MUC17: variants seen among roughly 807,000 people sequenced by gnomAD.
The protein encoded by MUC17 is mucin-17.
In MUC17, 190 loss-of-function variants were observed where a neutral mutation model predicts 170.3. The ratio of observed to expected loss-of-function variants is 1.12; its 90% CI spans 0.99 to 1.26. MUC17 has a LOEUF of 1.26. Ranked by LOEUF, MUC17 falls within the 50% of genes most tolerant of loss-of-function variation. The pLI is 0.00. For missense variants in MUC17, 6,415 were observed against 5,530.0 expected, an observed-to-expected ratio of 1.16 and a Z score of -5.08; for synonymous variants, 2,325 against 2,002.5, an observed-to-expected ratio of 1.16 and a Z score of -4.30.
chr7:101,057,055 A>G (rs1218516082), intron 12 of MUC17, among the ~76,000 whole-genome samples: 1 of 152,114 alleles, frequency 6.6e-6, no homozygotes, highest in Non-Finnish European at 1.5e-5. Context: ...TATCAGAGGT[A>G]TTAGAGGTAT....
At position 101,043,752 on chromosome 7, in the gene MUC17, T is replaced by C; in HGVS notation, c.12336T>C (p.Ala4112=). ...TTSFPTVTTT[A]VPTNTTIKSN... ...CCTTCCCCACGGTGACCACCACCGC[T>C]GTCCCCACGAATACTACAATTAAGA... The change falls in exon 3 of 13, where the codon GCT becomes GCC. Residue 4112 remains alanine, a synonymous_variant. Transcript: ENST00000306151. The C allele has an allele frequency of 6.2e-7, 1 of 1,614,114 alleles. No individual in the cohort carries two copies. Among genetic ancestry groups the C allele is most frequent in the Non-Finnish European group, 8.5e-7 (1 of 1,180,010 alleles).
chr7:101,056,154 T>C, intron 11 of MUC17, 40 bp from the exon 12 acceptor site: 1 of 1,613,008 alleles, frequency 6.2e-7, no homozygotes, highest in Non-Finnish European at 8.5e-7. Flanking sequence ...TTTGTCCTTC[T>C]AACCTCCTGT....
intron 1 of MUC17, among the ~76,000 whole-genome samples, chr7:101,022,864 A>G (rs1291813963): frequency 1.3e-5 from 2 of 152,086 alleles, no homozygotes; most frequent in African/African-American, 4.8e-5. Flanking sequence ...CCTTCCAGGA[A>G]TCTGCACTAA....
At chr7:101,028,977 C>T (rs774301683) in intron 1 of MUC17, among the ~76,000 whole-genome samples, 2 of 152,000 alleles carry the variant, frequency 1.3e-5, no homozygotes, top group Non-Finnish European at 2.9e-5. Flanking sequence ...CACCTGAGGT[C>T]GGGAGTTCGA....
chr7:101,029,507 T>A (rs770163072), intron 1 of MUC17, among the ~76,000 whole-genome samples: 16 of 152,234 alleles, frequency 1.1e-4, no homozygotes, highest in Non-Finnish European at 2.1e-4. Flanking sequence ...TCTTGACTGT[T>A]CATACTCAGT....
chr7:101,056,156 ACCT>A, intron 11 of MUC17, 35 bp from the exon 12 acceptor site: 1 of 1,613,066 alleles, frequency 6.2e-7, no homozygotes. Context: ...TGTCCTTCTA[ACCT>A]CCTGTTTCCA....
rs114262718 is a variant in MUC17 at position 101,034,364 on chromosome 7, C to A, written c.2948C>A (p.Thr983Asn). 84,834 of 1,398,080 alleles carry A rather than the reference C, an allele frequency of 0.061. No homozygotes were observed. The highest frequency in any genetic ancestry group is 0.21 in the African/African-American group (13,069 of 62,206). The allele number at this position is 1,398,080 out of a possible 1,614,324, so 86.6% of individuals were successfully genotyped here. ...IPTSTPSEGTTPLTSTPVSHT... is the reference protein window; with the variant it reads ...IPTSTPSEGTNPLTSTPVSHT... ...ACCTCGACTCCTAGTGAAGGAACGA[C>A]TCCATTAACAAGCACACCTGTCAGC... Residue 983 changes from threonine (T) to asparagine (N), a missense_variant, in exon 3 of 13, where the codon ACT (threonine) becomes AAT (asparagine). Thr to Asn is a moderately conservative substitution (Grantham distance 65). Coordinates refer to ENST00000306151, the MANE Select transcript of MUC17 (RefSeq NM_001040105.2).
intron 10 of MUC17, 78 bp from the exon 11 acceptor site, chr7:101,053,261 A>C (rs540681141): frequency 1.6e-5 from 25 of 1,582,330 alleles, no homozygotes; most frequent in Non-Finnish European, 2.6e-6. Context: ...GCAGCTAAAA[A>C]TGGGGATACA....
In MUC17 at chr7:101,032,434, C is replaced by T; in HGVS notation, c.1018C>T (p.Pro340Ser). 2 of 1,613,620 alleles carry T rather than the reference C, an allele frequency of 1.2e-6. No homozygotes were observed. Among genetic ancestry groups the T allele is most frequent in the Middle Eastern group, 1.7e-4 (1 of 6,060 alleles). The change falls in exon 3 of 13, where the codon CCT becomes TCT. Residue 340 changes from proline to serine, a missense_variant. Physicochemically the swap from Pro to Ser is moderately conservative, Grantham distance 74. Transcript: ENST00000306151. The stretch of plus-strand genomic sequence containing the variant: ...AGGAAGCACTCCATTAACAAGTACG[C>T]CTGCCAGCACCATGCCGGTTGCCAC... The part of the protein sequence containing the change: ...TEGSTPLTST[P>S]ASTMPVATSE...
At position 101,052,989 on chromosome 7, in the gene MUC17, C is replaced by T. The variant is rs577795174; in HGVS notation, c.13107C>T (p.Cys4369=). The change falls in exon 10 of 13, where the codon TGC becomes TGT. Residue 4369 remains cysteine (C), a synonymous_variant. Coordinates refer to ENST00000306151, the MANE Select transcript of MUC17 (RefSeq NM_001040105.2). ...TGCCGCTTCTCTCCCATCTCAGCTG[C>T]GTGACCACGGAAACTCACTGGTACA... ...QMSLSGPQCL[C]VTTETHWYSG... The T allele has an allele frequency of 3.8e-5, 62 of 1,612,086 alleles. No homozygotes were observed. In the South Asian group the frequency reaches 4.0e-4, roughly 10 times the overall value.
At position 101,042,024 on chromosome 7, in the gene MUC17, C is replaced by G. The variant is rs751988268; in HGVS notation, c.10608C>G (p.Thr3536=). ...TTPVASSEAS[T]LSTTPVDSNT... is the part of the protein sequence containing the mutation. ...CGGTGGCCAGTTCTGAGGCTAGCAC[C>G]CTTTCAACAACTCCTGTTGACTCCA... Residue 3536 remains threonine, a synonymous_variant, in exon 3 of 13, where the codon ACC becomes ACG. Transcript: ENST00000306151. 1.9e-6 allele frequency: 3 copies of G among 1,608,418 alleles called. No homozygotes were observed. The highest frequency in any genetic ancestry group is 2.2e-5 in the East Asian group (1 of 44,468).
In MUC17 at chr7:101,050,556, G is replaced by A. The variant is rs1445926947; in HGVS notation, c.12795G>A (p.Leu4265=). ...ACACACCAGAATACAAGACAGTATT[G>A]GACAATGCCACCGAAGTAGTGAAAG... ...TKYTPEYKTV[L]DNATEVVKEK... The change falls in exon 7 of 13, where the codon TTG becomes TTA. Residue 4265 remains leucine, a synonymous_variant. Coordinates refer to ENST00000306151, the MANE Select transcript of MUC17 (RefSeq NM_001040105.2). The A allele has an allele frequency of 4.3e-6, 7 of 1,614,160 alleles. No homozygotes were observed. The highest frequency in any genetic ancestry group is 5.9e-6 in the Non-Finnish European group (7 of 1,180,026).
At position 101,035,073 on chromosome 7, in the gene MUC17, T is replaced by A; in HGVS notation, c.3657T>A (p.Thr1219=). 1.2e-6 allele frequency: 2 copies of A among 1,613,138 alleles called. No homozygotes were observed. Among genetic ancestry groups the A allele is most frequent in the Non-Finnish European group, 1.7e-6 (2 of 1,179,494 alleles). ...CCTCAACTCCTGGAGAAAGAAGCAC[T>A]CCATTAACAAGTATGCCTGTCAGAC... The part of the protein sequence containing the change: ...MPTSTPGERS[T]PLTSMPVRHT... The change falls in exon 3 of 13, where the codon ACT becomes ACA. Residue 1219 remains threonine, a synonymous_variant. Transcript: ENST00000306151.
Position 101,039,508 on chromosome 7 carries a change from C to A in MUC17, c.8092C>A (p.Leu2698Ile). The change falls in exon 3 of 13, where the codon CTT becomes ATT. Residue 2698 changes from leucine (L) to isoleucine (I), a missense_variant. Coordinates refer to ENST00000306151, the MANE Select transcript of MUC17 (RefSeq NM_001040105.2). ...AAGAAGCACTCCATTAACAAATATACTTGTCAGCACCACGCTGTTGGCCAA... is the reference window on the plus strand; with the variant it reads ...AAGAAGCACTCCATTAACAAATATAATTGTCAGCACCACGCTGTTGGCCAA... Reference protein sequence around the residue: ...GERSTPLTNILVSTTLLANSE... With the variant: ...GERSTPLTNIIVSTTLLANSE... The A allele has an allele frequency of 6.2e-7, 1 of 1,610,966 alleles. No homozygotes were observed. The highest frequency in any genetic ancestry group is 1.7e-5 in the Admixed American group (1 of 59,496).
rs189098161 is a variant in MUC17 at position 101,040,376 on chromosome 7, C to T, written c.8960C>T (p.Thr2987Ile). ...ATCTCAACTCCTGGCGAAAGAAGAA[C>T]TCCATTAACAAGTATGTCTGTCAGC... Reference protein sequence around the residue: ...MPISTPGERRTPLTSMSVSTM... With the variant: ...MPISTPGERRIPLTSMSVSTM... The change falls in exon 3 of 13, where the codon ACT becomes ATT. Residue 2987 changes from threonine to isoleucine, a missense_variant. Physicochemically the swap from Thr to Ile is moderately conservative, Grantham distance 89. Coordinates refer to ENST00000306151, the MANE Select transcript of MUC17 (RefSeq NM_001040105.2). 4.3e-6 allele frequency: 7 copies of T among 1,612,492 alleles called. No individual in the cohort carries two copies. The highest frequency in any genetic ancestry group is 1.1e-5 in the South Asian group (1 of 90,994).
chr7:101,039,828 T>C lies in MUC17; in HGVS notation c.8412T>C (p.Thr2804=), dbSNP rs1213980975. The C allele has an allele frequency of 4.3e-6, 7 of 1,610,336 alleles. No individual in the cohort carries two copies. The highest frequency in any genetic ancestry group is 5.1e-6 in the Non-Finnish European group (6 of 1,178,252). ...TAEVTSMPTS[T]PSETSTPLTS... ...AAGTTACCAGCATGCCAACCTCAACTCCTAGTGAAACAAGTACTCCATTAA... is the reference window on the plus strand; with the variant it reads ...AAGTTACCAGCATGCCAACCTCAACCCCTAGTGAAACAAGTACTCCATTAA... Residue 2804 remains threonine (T), a synonymous_variant, in exon 3 of 13, where the codon ACT becomes ACC. Transcript: ENST00000306151.
At chr7:101,050,183 TC>T (rs1794912181) in intron 6 of MUC17, among the ~76,000 whole-genome samples, 1 of 152,134 alleles carries the variant, frequency 6.6e-6, no homozygotes, top group Admixed American at 6.5e-5. Context: ...TTCCCATTCC[TC>T]CATCCATCTT....
Position 101,043,129 on chromosome 7 carries a change from AC to A in MUC17, c.11714del (p.Thr3905IlefsTer16), listed in dbSNP as rs1189889428. 6.2e-7 allele frequency: 1 copy of A among 1,614,054 alleles called. No individual in the cohort carries two copies. Among genetic ancestry groups the A allele is most frequent in the South Asian group, 1.1e-5 (1 of 91,082 alleles). Reference protein sequence around the residue: ...ASTPPLDTSTTFTPSTDTAST... With the variant: ...ASTPPLDTSTXFTPSTDTAST... The stretch of plus-strand genomic sequence containing the variant: ...GACACCTCCTCTTGACACAAGCACA[AC>A]TTTTACCCCTTCTACTGACACTGCC... On this transcript the variant is annotated frameshift_variant, in exon 3 of 13. Transcript: ENST00000306151. LOFTEE classifies it high-confidence loss of function.
intron 1 of MUC17, among the ~76,000 whole-genome samples, chr7:101,029,377 G>GTA (rs1794237447): frequency 6.6e-6 from 1 of 151,616 alleles, no homozygotes; most frequent in South Asian, 2.1e-4. Flanking sequence ...ATACATACAT[G>GTA]TATACATACA....
Sources: allele counts gnomAD v4.1 joint callset (sites outside exome capture counted in the v4.1 genomes callset), GRCh38; gene constraint gnomAD v4.1.1; transcripts MANE v1.5; gene names NCBI Gene and HGNC (gene_info 2026-07-23, HGNC 2026-07-21).